PPP2R2C: variants seen among roughly 807,000 people sequenced by gnomAD.
The protein encoded by PPP2R2C is protein phosphatase 2 regulatory subunit Bgamma, also known as protein phosphatase 2, regulatory subunit B, gamma.
Under a neutral mutation model 45.3 loss-of-function variants are expected in PPP2R2C, and 10 were observed. The observed-to-expected ratio is 0.22, with a 90% CI of 0.14 to 0.37. PPP2R2C has a LOEUF of 0.37. Among genes scored for constraint, PPP2R2C ranks in the 10% least tolerant of loss-of-function variants. The pLI is 1.00. For synonymous variants in PPP2R2C, 257 were observed against 245.4 expected (o/e 1.05, Z -0.44); for missense variants, 308 against 619.7 (o/e 0.50, Z 5.34).
At chr4:6,379,638 A>G (rs1715622981) in intron 2 of PPP2R2C, among the ~76,000 whole-genome samples, 1 of 152,258 alleles carries the variant, frequency 6.6e-6, no homozygotes, top group Non-Finnish European at 1.5e-5. Context: ...TGAGCTTCGC[A>G]GTGCCTGGTG....
intron 2 of PPP2R2C, among the ~76,000 whole-genome samples, chr4:6,519,279 C>A (rs537031934): frequency 1.3e-5 from 2 of 152,176 alleles, no homozygotes; most frequent in Non-Finnish European, 2.9e-5. Context: ...ATGAGAGCCC[C>A]CACGGCACCT....
chr4:6,328,496 T>C lies in PPP2R2C; in HGVS notation c.1052+766A>G, dbSNP rs879902852. 6.6e-6 allele frequency among the ~76,000 whole-genome samples: 1 copy of C among 151,962 alleles called. No individual in the cohort carries two copies. Among genetic ancestry groups the C allele is most frequent in the Non-Finnish European group, 1.5e-5 (1 of 67,966 alleles). ...GACCCTGAGCACAAAGCTGATGTGATTTGGGAGGGCAGAAGAGGGATTTTC... is the reference window on the plus strand; with the variant it reads ...GACCCTGAGCACAAAGCTGATGTGACTTGGGAGGGCAGAAGAGGGATTTTC... On this transcript the variant is annotated intron_variant, in intron 8 of 8. Coordinates refer to ENST00000382599, the MANE Select transcript of PPP2R2C (RefSeq NM_020416.4). The surrounding 1 kb of genome is among the most constrained non-coding windows in gnomAD (Gnocchi z 4.4).
intron 1 of PPP2R2C, among the ~76,000 whole-genome samples, chr4:6,547,378 G>A (rs1053706056): frequency 4.6e-5 from 7 of 151,710 alleles, no homozygotes; most frequent in African/African-American, 1.7e-4. Context: ...CCATAAGAAG[G>A]TATGATAAGG....
Position 6,336,600 on chromosome 4 carries a change from T to G in PPP2R2C, c.791-2869A>C, listed in dbSNP as rs1577075979. ...AAGATGCTGTACAGAGTGAGCCCAG[T>G]GCACGATGAGTGCTGCAGCCCTACT... On this transcript the variant is annotated intron_variant, in intron 6 of 8. Transcript: ENST00000382599. Among the ~76,000 whole-genome samples the G allele has an allele frequency of 1.2e-4, 2 of 17,254 alleles. 1 individual carries two copies. The allele number at this position is 17,254 out of a possible 152,430, so 11.3% of individuals were successfully genotyped here. A position where few individuals can be genotyped will look rare whatever the true frequency, so the allele number is the denominator to read the frequency against.
chr4:6,511,751 CAATGGTGGTGGTGATGGTGATGGTGGT>C (rs1414277360), intron 2 of PPP2R2C, among the ~76,000 whole-genome samples: 83 of 3,524 alleles, frequency 0.024, 14 homozygotes, highest in South Asian at 0.048. Context: ...GTGGTGATGG[CAATGGTGGTGGTGATGGTGATGGTGGT>C]AATGGTGGTG....
chr4:6,396,298 G>A (rs549307660), intron 1 of PPP2R2C, among the ~76,000 whole-genome samples: 19 of 152,304 alleles, frequency 1.2e-4, no homozygotes, highest in Non-Finnish European at 2.2e-4. Flanking sequence ...GAGAGTGACG[G>A]AGCTGCAGTC....
intron 5 of PPP2R2C, among the ~76,000 whole-genome samples, chr4:6,365,816 C>T (rs1242492509): frequency 6.6e-6 from 1 of 152,160 alleles, no homozygotes; most frequent in African/African-American, 2.4e-5. Context: ...CAGTTCCCAC[C>T]GTGAGAAATC....
chr4:6,514,325 G>C (rs1428188501), intron 2 of PPP2R2C, among the ~76,000 whole-genome samples: 2 of 152,214 alleles, frequency 1.3e-5, no homozygotes, highest in Non-Finnish European at 2.9e-5. Flanking sequence ...TGAGGACCAG[G>C]TAAGACGAGG....
chr4:6,443,886 G>A (rs1021040372), intron 1 of PPP2R2C, among the ~76,000 whole-genome samples: 2 of 151,702 alleles, frequency 1.3e-5, no homozygotes, highest in Non-Finnish European at 2.9e-5. Context: ...GTGCAGCAAC[G>A]AAGCAAGTGC....
chr4:6,412,502 T>TA (rs1473382623), intron 1 of PPP2R2C, among the ~76,000 whole-genome samples: 3 of 152,234 alleles, frequency 2.0e-5, no homozygotes, highest in Admixed American at 2.0e-4. Flanking sequence ...TGTGCTTGAA[T>TA]AAAAAATGAA....
At chr4:6,335,892 C>G (rs571857543) in intron 6 of PPP2R2C, among the ~76,000 whole-genome samples, 1 of 152,124 alleles carries the variant, frequency 6.6e-6, no homozygotes, top group Non-Finnish European at 1.5e-5. Flanking sequence ...AAACACCTGT[C>G]TCTGAAGCAG....
intron 2 of PPP2R2C, among the ~76,000 whole-genome samples, chr4:6,519,173 C>A (rs1723932871): frequency 6.6e-6 from 1 of 152,124 alleles, no homozygotes; most frequent in African/African-American, 2.4e-5. Flanking sequence ...CCTTCTGACT[C>A]CCCTAGAATA....
intron 1 of PPP2R2C, among the ~76,000 whole-genome samples, chr4:6,428,036 G>A (rs1223400495): frequency 6.6e-6 from 1 of 152,200 alleles, no homozygotes; most frequent in African/African-American, 2.4e-5. Context: ...AGAACAAGCT[G>A]TGCCCACACC....
At chr4:6,489,774 G>C (rs182748515) in intron 2 of PPP2R2C, among the ~76,000 whole-genome samples, 1 of 152,268 alleles carries the variant, frequency 6.6e-6, no homozygotes, top group Admixed American at 6.5e-5. Flanking sequence ...TGGGGATTGA[G>C]ATTCACAGAG....
chr4:6,518,426 G>A (rs1006380356), intron 2 of PPP2R2C, among the ~76,000 whole-genome samples: 12 of 152,130 alleles, frequency 7.9e-5, no homozygotes, highest in Admixed American at 2.6e-4. Flanking sequence ...GGAAAAAGGA[G>A]AAGGACACAA....
intron 2 of PPP2R2C, among the ~76,000 whole-genome samples, chr4:6,483,592 G>A (rs1490431082): frequency 6.6e-6 from 1 of 151,976 alleles, no homozygotes; most frequent in African/African-American, 2.4e-5. Flanking sequence ...TGAAATGTCT[G>A]TTCAGACATT....
chr4:6,433,280 A>G (rs1269099315), intron 1 of PPP2R2C, among the ~76,000 whole-genome samples: 1 of 152,092 alleles, frequency 6.6e-6, no homozygotes, highest in African/African-American at 2.4e-5. Flanking sequence ...ATTTACCTAG[A>G]AGGGGAACAG....
rs1445426318 is a variant in PPP2R2C at position 6,414,125 on chromosome 4, C to A, written c.71-33031G>T. On this transcript the variant is annotated intron_variant, in intron 1 of 8. Coordinates refer to ENST00000382599, the MANE Select transcript of PPP2R2C (RefSeq NM_020416.4). ...GTGTGTGTGTGTGTGTGTGTGTGTA[C>A]AGGTAAATAAACATTGAAAGAAACA... 3.7e-6 allele frequency: 4 copies of A among 1,083,944 alleles called. No homozygotes were observed. The African/African-American group carries it at 5.6e-5, about 15-fold the overall frequency. The allele number at this position is 1,083,944 out of a possible 1,614,324, so 67.1% of individuals were successfully genotyped here. A position where few individuals can be genotyped will look rare whatever the true frequency, so the allele number is the denominator to read the frequency against.
At chr4:6,509,501 G>A (rs1723357123) in intron 2 of PPP2R2C, among the ~76,000 whole-genome samples, 1 of 152,146 alleles carries the variant, frequency 6.6e-6, no homozygotes, top group African/African-American at 2.4e-5. Flanking sequence ...AAATAAGTGA[G>A]GAGGTAAACC....
Sources: gnomAD v4.1 joint callset for allele counts (sites outside exome capture counted in the v4.1 genomes callset) on GRCh38, gnomAD v4.1.1 for gene constraint, Gnocchi (gnomAD v3.1) non-coding constraint, MANE v1.5 for transcripts, NCBI Gene and HGNC (gene_info 2026-07-23, HGNC 2026-07-21) for gene names.